Variants in LEPR observed in about 807,000 individuals in gnomAD.
LEPR encodes leptin receptor, also known as OB receptor.
LEPR carries 56 observed loss-of-function variants against 114.7 expected under a neutral mutation model. The ratio of observed to expected loss-of-function variants is 0.49; its 90% CI spans 0.39 to 0.61. The LOEUF (loss-of-function observed/expected upper bound fraction) is 0.61. LEPR is among the 20% of genes least tolerant of loss of function. The probability of loss-of-function intolerance (pLI) is 0.00; values close to 1 mark genes in which losing one functional copy is unlikely to be tolerated. For synonymous variants in LEPR, 443 were observed against 461.4 expected (o/e 0.96, Z 0.51); for missense variants, 1,202 against 1,352.9 (o/e 0.89, Z 1.75).
chr1:65,602,780 C>G (rs1192605592), intron 10 of LEPR, among the ~76,000 whole-genome samples: 1 of 152,050 alleles, frequency 6.6e-6, no homozygotes, highest in Admixed American at 6.6e-5. Context: ...GATCTGAAGT[C>G]TATTCCTAAT....
intron 2 of LEPR, among the ~76,000 whole-genome samples, chr1:65,506,311 C>G (rs147319835): frequency 3.9e-4 from 60 of 152,160 alleles, no homozygotes; most frequent in African/African-American, 1.4e-3. Context: ...GTAGGAGGAT[C>G]GATAAAAATT....
chr1:65,487,158 A>C (rs1010721521), intron 2 of LEPR, among the ~76,000 whole-genome samples: 1 of 152,182 alleles, frequency 6.6e-6, no homozygotes, highest in African/African-American at 2.4e-5. Flanking sequence ...CCATTCATTC[A>C]ACAACAATAT....
At chr1:65,538,747 T>TC (rs1161674080) in intron 2 of LEPR, among the ~76,000 whole-genome samples, 1 of 152,072 alleles carries the variant, frequency 6.6e-6, no homozygotes, top group East Asian at 1.9e-4. Flanking sequence ...ATTCTTTTTT[T>TC]CTTTGTTGTT....
rs185639311 is a variant in LEPR at position 65,618,997 on chromosome 1, C to G, written c.2395+851C>G. Among the ~76,000 whole-genome samples the G allele has an allele frequency of 5.3e-5, 8 of 152,132 alleles. 1 individual carries two copies. Among genetic ancestry groups the G allele is most frequent in the African/African-American group, 1.4e-4 (6 of 41,490 alleles). On this transcript the variant is annotated intron_variant, in intron 16 of 19. Transcript: ENST00000349533. ...ACCAGGGTATTCTCCCAAAGTTAGA[C>G]CAGTTATTCCAGGAGGTGAGTCAAG...
Position 65,607,985 on chromosome 1 carries a change from A to G in LEPR, c.1604-768A>G, listed in dbSNP as rs181619048. On this transcript the variant is annotated intron_variant, in intron 11 of 19. Coordinates refer to ENST00000349533, the MANE Select transcript of LEPR (RefSeq NM_002303.6). The stretch of plus-strand genomic sequence containing the variant: ...TTAAAAATCACTTGCTATTCAGACC[A>G]TCTTTGCCTCTATTACTGCCCATTA... Among the ~76,000 whole-genome samples, 1,272 of 152,252 alleles carry G rather than the reference A, an allele frequency of 8.4e-3. 13 individuals carry two copies. The highest frequency in any genetic ancestry group is 0.013 in the Non-Finnish European group (861 of 68,012).
chr1:65,449,483 A>G (rs922316250), intron 2 of LEPR, among the ~76,000 whole-genome samples: 2 of 151,936 alleles, frequency 1.3e-5, no homozygotes, highest in South Asian at 4.1e-4. Context: ...AGGGGCTGCC[A>G]TGGCTGTTCA....
At chr1:65,617,347 C>T (rs1033536103) in intron 15 of LEPR, among the ~76,000 whole-genome samples, 10 of 152,144 alleles carry the variant, frequency 6.6e-5, no homozygotes, top group Admixed American at 6.5e-4. Context: ...GAACTGAAAT[C>T]TGAAATGTGA....
At chr1:65,499,076 T>C (rs1648309090) in intron 2 of LEPR, among the ~76,000 whole-genome samples, 1 of 152,088 alleles carries the variant, frequency 6.6e-6, no homozygotes. Context: ...GGAAAGCCAA[T>C]GTGCACTTGA....
At chr1:65,550,833 A>G (rs1429298576) in intron 2 of LEPR, among the ~76,000 whole-genome samples, 1 of 152,072 alleles carries the variant, frequency 6.6e-6, no homozygotes, top group Non-Finnish European at 1.5e-5. Flanking sequence ...ACTGTCCTGC[A>G]CCCACTGTCT....
intron 2 of LEPR, among the ~76,000 whole-genome samples, chr1:65,472,290 A>G (rs1291697678): frequency 6.6e-6 from 1 of 152,042 alleles, no homozygotes; most frequent in African/African-American, 2.4e-5. Context: ...TAATTCATAA[A>G]CAGGGCTGTC....
At chr1:65,616,918 A>T (rs1657562419) in intron 15 of LEPR, among the ~76,000 whole-genome samples, 1 of 152,128 alleles carries the variant, frequency 6.6e-6, no homozygotes, top group Non-Finnish European at 1.5e-5. Context: ...TATTGCTTTA[A>T]TTGAATATGC....
At chr1:65,504,160 T>C (rs1648604763) in intron 2 of LEPR, among the ~76,000 whole-genome samples, 1 of 152,220 alleles carries the variant, frequency 6.6e-6, no homozygotes, top group Non-Finnish European at 1.5e-5. Flanking sequence ...TAAATATTCC[T>C]GTCTACACTG....
At chr1:65,612,482 C>T (rs972743913) in intron 14 of LEPR, among the ~76,000 whole-genome samples, 12 of 152,184 alleles carry the variant, frequency 7.9e-5, no homozygotes, top group Non-Finnish European at 1.6e-4. Flanking sequence ...GTAGTCATAC[C>T]TCCTTATGCT....
chr1:65,493,171 G>T (rs1435559325), intron 2 of LEPR, among the ~76,000 whole-genome samples: 3 of 151,950 alleles, frequency 2.0e-5, no homozygotes, highest in African/African-American at 7.3e-5. Context: ...ATTGTTGCTG[G>T]CCATTGCTCC....
intron 5 of LEPR, among the ~76,000 whole-genome samples, chr1:65,590,414 C>T (rs1655612754): frequency 6.6e-6 from 1 of 150,908 alleles, no homozygotes; most frequent in Admixed American, 6.6e-5. Context: ...TTCCCATAAT[C>T]CCCAAGTGTC....
intron 4 of LEPR, among the ~76,000 whole-genome samples, chr1:65,571,275 C>T (rs1654129174): frequency 6.6e-6 from 1 of 152,014 alleles, no homozygotes; most frequent in African/African-American, 2.4e-5. Flanking sequence ...TAACAAACTG[C>T]TATGGTACAT....
chr1:65,568,576 GA>G (rs1398024074), intron 3 of LEPR, among the ~76,000 whole-genome samples: 1 of 151,882 alleles, frequency 6.6e-6, no homozygotes. Flanking sequence ...GTCATTCATT[GA>G]GGGACACTTA....
intron 19 of LEPR, chr1:65,634,501 A>G: frequency 1.1e-6 from 1 of 943,120 alleles, no homozygotes; most frequent in Non-Finnish European, 1.3e-6. Flanking sequence ...ATAAAGTTTT[A>G]TAACTCACTG....
intron 5 of LEPR, among the ~76,000 whole-genome samples, chr1:65,583,553 A>G (rs990088242): frequency 6.6e-6 from 1 of 152,148 alleles, no homozygotes; most frequent in Non-Finnish European, 1.5e-5. Flanking sequence ...GCTACACTAT[A>G]CTATTCCCCA....
Sources: allele counts gnomAD v4.1 joint callset (sites outside exome capture counted in the v4.1 genomes callset), GRCh38; gene constraint gnomAD v4.1.1; transcripts MANE v1.5; gene names NCBI Gene and HGNC (gene_info 2026-07-23, HGNC 2026-07-21).